C11orf65: variants seen among roughly 807,000 people sequenced by gnomAD.
C11orf65 encodes chromosome 11 open reading frame 65.
Under a neutral mutation model 35.3 loss-of-function variants are expected in C11orf65, and 38 were observed. The observed-to-expected ratio is 1.08, with a 90% CI of 0.83 to 1.41. The LOEUF (loss-of-function observed/expected upper bound fraction) is 1.41, where lower values mean the gene tolerates loss of function less well. Ranked by LOEUF, C11orf65 falls within the 40% of genes most tolerant of loss-of-function variation. The pLI is 0.00. For synonymous variants in C11orf65, 105 were observed against 114.4 expected (o/e 0.92, Z 0.53); for missense variants, 370 against 367.1 (o/e 1.01, Z -0.06).
At chr11:108,354,475 C>T (rs972866422) in intron 2 of C11orf65, among the ~76,000 whole-genome samples, 2 of 152,196 alleles carry the variant, frequency 1.3e-5, no homozygotes, top group African/African-American at 2.4e-5. Context: ...GGTCTGTGTA[C>T]TCAACTTGGA....
chr11:108,430,566 G>A (rs1232288755), intron 3 of C11orf65, among the ~76,000 whole-genome samples: 1 of 152,002 alleles, frequency 6.6e-6, no homozygotes, highest in Non-Finnish European at 1.5e-5. Context: ...AGACCAATAA[G>A]GGTACGGTGG....
chr11:108,467,627 A>G (rs774297560), upstream of C11orf65: 50 of 152,132 alleles, frequency 3.3e-4, no homozygotes, highest in Middle Eastern at 3.2e-3. Context: ...TGCAGGGGAT[A>G]TAGACCAACC....
intron 2 of C11orf65, among the ~76,000 whole-genome samples, chr11:108,445,705 A>C (rs1420722151): frequency 6.6e-6 from 1 of 152,144 alleles, no homozygotes; most frequent in Non-Finnish European, 1.5e-5. Flanking sequence ...AACTCTAAAA[A>C]GCAGAGCACC....
At chr11:108,465,996 AACAAC>A (rs1257023099) in intron 1 of C11orf65, among the ~76,000 whole-genome samples, 2 of 98,762 alleles carry the variant, frequency 2.0e-5, no homozygotes, top group Non-Finnish European at 2.0e-5. Flanking sequence ...AAAAAAAAAA[AACAAC>A]AACAACAACA....
chr11:108,428,424 A>G (rs966000855), intron 3 of C11orf65, among the ~76,000 whole-genome samples: 3 of 152,236 alleles, frequency 2.0e-5, no homozygotes, highest in Admixed American at 6.5e-5. Flanking sequence ...ACGCCCATCA[A>G]TGACAGACTG....
intron 2 of C11orf65, among the ~76,000 whole-genome samples, chr11:108,446,063 G>A (rs537405102): frequency 3.3e-5 from 5 of 152,112 alleles, no homozygotes; most frequent in South Asian, 2.1e-4. Context: ...GAAATGAAGT[G>A]AGAAGGGAAG....
At chr11:108,317,304 GTTTT>G in intron 6 of C11orf65, 1 of 1,517,094 alleles carries the variant, frequency 6.6e-7, no homozygotes, top group Non-Finnish European at 9.1e-7. Context: ...TATCTTTGCT[GTTTT>G]TTTCTCTGGT....
chr11:108,308,970 C>T (rs2083904259), exon 7 of C11orf65: 1 of 1,505,214 alleles, frequency 6.6e-7, no homozygotes, highest in East Asian at 2.5e-5. Context: ...TCATTTCAGA[C>T]TTACCATTGG....
At chr11:108,467,421 C>A (rs931681614) in intron 1 of C11orf65, 50 bp downstream of exon 1, 4 of 152,266 alleles carry the variant, frequency 2.6e-5, no homozygotes, top group Admixed American at 2.6e-4. Flanking sequence ...ACAAAGGCTA[C>A]CGGAACAGTA....
intron 3 of C11orf65, among the ~76,000 whole-genome samples, chr11:108,407,623 A>T (rs2092566158): frequency 6.6e-6 from 1 of 151,496 alleles, no homozygotes; most frequent in Non-Finnish European, 1.5e-5. Flanking sequence ...CTCAGCCATT[A>T]AAAAAAATTT....
intron 2 of C11orf65, chr11:108,354,945 A>C: frequency 7.8e-7 from 1 of 1,275,512 alleles, no homozygotes; most frequent in South Asian, 1.2e-5. Context: ...TCAGGAAGTC[A>C]CTGATGTGAA....
intron 2 of C11orf65, chr11:108,340,338 C>T (rs1322990391): frequency 1.3e-5 from 2 of 152,176 alleles, no homozygotes; most frequent in African/African-American, 2.4e-5. Context: ...CATATCATTT[C>T]ATCTGTAAAC....
In C11orf65 at chr11:108,317,389, G is replaced by C. The variant is rs1183544857; in HGVS notation, c.641-8318C>G. 6 of 1,611,584 alleles carry C rather than the reference G, an allele frequency of 3.7e-6. No homozygotes were observed. In the African/African-American group the frequency reaches 5.4e-5, roughly 14 times the overall value. ...CCTGTTTAGGCCTTGCAGAATTTGG[G>C]ACTCTGCCATATTCTTTCCGTCTAT... On this transcript the variant is annotated intron_variant, in intron 6 of 6. Coordinates refer to the C11orf65 transcript ENST00000525729.
intron 2 of C11orf65, among the ~76,000 whole-genome samples, chr11:108,361,591 A>G (rs2090764625): frequency 6.6e-6 from 1 of 151,980 alleles, no homozygotes; most frequent in African/African-American, 2.4e-5. Flanking sequence ...TACTGGTACC[A>G]AAACAGAGAT....
At chr11:108,394,323 T>A (rs1346128416) in intron 6 of C11orf65, among the ~76,000 whole-genome samples, 1 of 151,548 alleles carries the variant, frequency 6.6e-6, no homozygotes, top group Non-Finnish European at 1.5e-5. Context: ...CCCAACACTT[T>A]TGGAGACTGA....
chr11:108,451,797 C>T (rs561229822), intron 2 of C11orf65, among the ~76,000 whole-genome samples: 2 of 152,108 alleles, frequency 1.3e-5, no homozygotes, highest in African/African-American at 4.8e-5. Context: ...GGTACTGGTA[C>T]CAAAACAGAG....
chr11:108,452,390 C>T (rs1403577932), intron 2 of C11orf65, among the ~76,000 whole-genome samples: 1 of 152,140 alleles, frequency 6.6e-6, no homozygotes, highest in African/African-American at 2.4e-5. Flanking sequence ...CCAACAGACA[C>T]ATGAAAAAAT....
chr11:108,391,933 A>T (rs1478726471), intron 7 of C11orf65, among the ~76,000 whole-genome samples: 1 of 151,546 alleles, frequency 6.6e-6, no homozygotes, highest in Non-Finnish European at 1.5e-5. Flanking sequence ...CTTTTTTTTT[A>T]AATAGAGGCG....
chr11:108,418,803 T>C (rs2092776619), intron 3 of C11orf65, among the ~76,000 whole-genome samples: 1 of 151,898 alleles, frequency 6.6e-6, no homozygotes, highest in Admixed American at 6.5e-5. Flanking sequence ...ATACCAGGAA[T>C]AAAATAAAGA....
Sources: allele counts gnomAD v4.1 joint callset (sites outside exome capture counted in the v4.1 genomes callset), GRCh38; gene constraint gnomAD v4.1.1; transcripts MANE v1.5; gene names NCBI Gene and HGNC (gene_info 2026-07-23, HGNC 2026-07-21).